SAMD12: variants seen among roughly 807,000 people sequenced by gnomAD.
SAMD12 encodes sterile alpha motif domain-containing protein 12.
A neutral mutation model predicts 15.0 loss-of-function variants in SAMD12; 9 were observed. The observed-to-expected ratio is 0.60, with a 90% CI of 0.36 to 1.05. The LOEUF (loss-of-function observed/expected upper bound fraction) is 1.05. SAMD12 is among the 50% of genes least tolerant of loss of function. The pLI is 0.01. For missense variants in SAMD12, 230 were observed against 234.2 expected (o/e 0.98, Z 0.12); for synonymous variants, 86 against 90.1 (o/e 0.96, Z 0.25).
the SAMD12 span, among the ~76,000 whole-genome samples, chr8:118,145,504 T>C: frequency 2.0e-5 from 3 of 152,148 alleles, no homozygotes; most frequent in Non-Finnish European, 4.4e-5. Flanking sequence ...TTCTGGGAGC[T>C]GGAGGTAAAA....
chr8:118,283,092 C>T (rs763175325), intron 4 of SAMD12, among the ~76,000 whole-genome samples: 26 of 151,760 alleles, frequency 1.7e-4, no homozygotes, highest in Non-Finnish European at 2.6e-4. Flanking sequence ...CAGGACTCAC[C>T]GAGGAAAATA....
At chr8:118,528,052 A>G (rs1194784002) in intron 2 of SAMD12, among the ~76,000 whole-genome samples, 2 of 151,848 alleles carry the variant, frequency 1.3e-5, no homozygotes, top group African/African-American at 4.8e-5. Flanking sequence ...CCTGAGACGG[A>G]GTCTCACTCT....
At chr8:118,165,637 CAT>C in the SAMD12 span, among the ~76,000 whole-genome samples, 20 of 102,210 alleles carry the variant, frequency 2.0e-4, no homozygotes, top group African/African-American at 7.2e-4. Context: ...TATATATATA[CAT>C]ATATATATAT....
chr8:118,500,013 C>A (rs908888664), intron 2 of SAMD12, among the ~76,000 whole-genome samples: 5 of 148,580 alleles, frequency 3.4e-5, no homozygotes, highest in Non-Finnish European at 5.9e-5. Flanking sequence ...ACGGTCCCCC[C>A]ACATACATGA....
At chr8:118,554,759 C>T (rs989158843) in intron 2 of SAMD12, among the ~76,000 whole-genome samples, 5 of 151,958 alleles carry the variant, frequency 3.3e-5, no homozygotes, top group African/African-American at 7.3e-5. Flanking sequence ...GGGTGGGTCT[C>T]GCCCAATCAG....
chr8:118,145,640 C>G, the SAMD12 span, among the ~76,000 whole-genome samples: 1 of 152,078 alleles, frequency 6.6e-6, no homozygotes, highest in Admixed American at 6.5e-5. Context: ...AAGCCGTGAA[C>G]GTGAAAGGGT....
At chr8:118,581,611 C>CA in intron 1 of SAMD12, among the ~76,000 whole-genome samples, 1 of 152,288 alleles carries the variant, frequency 6.6e-6, no homozygotes, top group African/African-American at 2.4e-5. Context: ...AGATATTCCA[C>CA]AAATAAAACC....
At chr8:118,317,676 A>G (rs1031514650) in intron 4 of SAMD12, among the ~76,000 whole-genome samples, 5 of 152,152 alleles carry the variant, frequency 3.3e-5, no homozygotes, top group Admixed American at 6.6e-5. Flanking sequence ...CTATTTCTTG[A>G]TCTGGGTGCT....
At chr8:118,235,960 C>G (rs1268215564) in intron 4 of SAMD12, among the ~76,000 whole-genome samples, 1 of 152,132 alleles carries the variant, frequency 6.6e-6, no homozygotes, top group Non-Finnish European at 1.5e-5. Flanking sequence ...TTCTCTGCCA[C>G]GGACTATGTG....
intron 4 of SAMD12, among the ~76,000 whole-genome samples, chr8:118,273,679 T>C (rs548628461): frequency 6.6e-6 from 1 of 152,306 alleles, no homozygotes; most frequent in East Asian, 1.9e-4. Context: ...TGTCAATACA[T>C]GGCCTTAAAG....
chr8:118,369,330 G>A (rs1483297968), intron 4 of SAMD12, among the ~76,000 whole-genome samples: 3 of 152,102 alleles, frequency 2.0e-5, no homozygotes, highest in African/African-American at 7.2e-5. Context: ...TTTAATAAAC[G>A]GTGCTGGGAA....
chr8:118,611,804 T>A (rs758552883), intron 1 of SAMD12, among the ~76,000 whole-genome samples: 1 of 152,220 alleles, frequency 6.6e-6, no homozygotes, highest in Non-Finnish European at 1.5e-5. Context: ...TATTCCATTC[T>A]ATGGTCCCAG....
intron 3 of SAMD12, among the ~76,000 whole-genome samples, chr8:118,401,675 A>G (rs1248705332): frequency 1.3e-5 from 2 of 151,756 alleles, no homozygotes; most frequent in Admixed American, 1.3e-4. Flanking sequence ...GTGTCCAGCC[A>G]AGGGCTTCAT....
chr8:118,332,027 C>T (rs1443282523), intron 4 of SAMD12, among the ~76,000 whole-genome samples: 1 of 152,012 alleles, frequency 6.6e-6, no homozygotes, highest in Middle Eastern at 3.2e-3. Context: ...TTCCAAATCC[C>T]CTAGGTGGGG....
At chr8:118,486,968 T>G (rs547270066) in intron 2 of SAMD12, among the ~76,000 whole-genome samples, 1 of 152,190 alleles carries the variant, frequency 6.6e-6, no homozygotes, top group Non-Finnish European at 1.5e-5. Flanking sequence ...GTAAGGGGAA[T>G]AAATATTCCA....
chr8:118,522,097 CT>C (rs1825402399), intron 2 of SAMD12, among the ~76,000 whole-genome samples: 1 of 151,888 alleles, frequency 6.6e-6, no homozygotes, highest in Non-Finnish European at 1.5e-5. Flanking sequence ...CTTTCCACAA[CT>C]TTGCATTGCT....
At chr8:118,272,002 T>C (rs1351044478) in intron 4 of SAMD12, among the ~76,000 whole-genome samples, 2 of 152,162 alleles carry the variant, frequency 1.3e-5, no homozygotes, top group Non-Finnish European at 2.9e-5. Flanking sequence ...CCTCTACTCA[T>C]AGCACCACTA....
At chr8:118,453,979 A>G (rs1586730228) in intron 2 of SAMD12, among the ~76,000 whole-genome samples, 1 of 152,160 alleles carries the variant, frequency 6.6e-6, no homozygotes, top group Non-Finnish European at 1.5e-5. Context: ...GCTGCTCCCC[A>G]GACCTGCTAC....
chr8:118,528,378 C>T (rs894149241), intron 2 of SAMD12, among the ~76,000 whole-genome samples: 4 of 152,074 alleles, frequency 2.6e-5, no homozygotes, highest in Admixed American at 6.6e-5. Flanking sequence ...AAGCTGTCTT[C>T]GTTTATAGTC....
Sources: gnomAD v4.1 joint callset for allele counts (sites outside exome capture counted in the v4.1 genomes callset) on GRCh38, gnomAD v4.1.1 for gene constraint, MANE v1.5 for transcripts, NCBI Gene and HGNC (gene_info 2026-07-23, HGNC 2026-07-21) for gene names.